Variants in XPO6 observed in about 807,000 individuals in gnomAD.
XPO6 encodes the protein exportin-6.
In XPO6, 3 loss-of-function variants were observed where a neutral mutation model predicts 130.0. The ratio of observed to expected loss-of-function variants is 0.02; its 90% confidence interval spans 0.01 to 0.06. The LOEUF is 0.06. XPO6 is among the 10% of genes least tolerant of loss of function. The pLI is 1.00. For synonymous variants in XPO6, 524 were observed against 548.9 expected (o/e 0.95, Z 0.63); for missense variants, 970 against 1,393.0 (o/e 0.70, Z 4.83).
chr16:28,181,395 T>TA (rs1479756004), intron 1 of XPO6, among the ~76,000 whole-genome samples: 1 of 152,208 alleles, frequency 6.6e-6, no homozygotes, highest in East Asian at 1.9e-4. Flanking sequence ...GAACTCCTCA[T>TA]AGACTATTCA....
chr16:28,137,006 C>T (rs1675014966), intron 9 of XPO6, among the ~76,000 whole-genome samples: 1 of 152,276 alleles, frequency 6.6e-6, no homozygotes, highest in African/African-American at 2.4e-5. Flanking sequence ...GACAAAAGGA[C>T]TGCATCCTTC....
At chr16:28,166,740 C>T (rs1411921373) in intron 5 of XPO6, 155 bp from the exon 6 acceptor site, 6 of 985,442 alleles carry the variant, frequency 6.1e-6, no homozygotes, top group East Asian at 1.1e-4. Flanking sequence ...CTGTGCCTCT[C>T]GACTTCACAG....
chr16:28,204,088 C>T (rs72791825), intron 1 of XPO6, among the ~76,000 whole-genome samples: 79 of 152,210 alleles, frequency 5.2e-4, no homozygotes, highest in Non-Finnish European at 9.4e-4. Context: ...TCCCTTTGAA[C>T]ACCCAAGACC....
intron 1 of XPO6, among the ~76,000 whole-genome samples, chr16:28,209,376 A>G (rs889154896): frequency 1.3e-5 from 2 of 152,326 alleles, no homozygotes; most frequent in Admixed American, 6.5e-5. Flanking sequence ...GCGATGGCTC[A>G]TGCATGTAAT....
At chr16:28,133,259 C>A (rs1345218804) in intron 11 of XPO6, among the ~76,000 whole-genome samples, 1 of 152,126 alleles carries the variant, frequency 6.6e-6, no homozygotes, top group Non-Finnish European at 1.5e-5. Context: ...ATTGCTTGAA[C>A]CCAGTAGGTG....
chr16:28,136,002 T>C (rs1417666481), intron 9 of XPO6, among the ~76,000 whole-genome samples: 1 of 152,232 alleles, frequency 6.6e-6, no homozygotes, highest in Admixed American at 6.5e-5. Flanking sequence ...CTGGGGATGA[T>C]AGGCACTGCA....
intron 8 of XPO6, among the ~76,000 whole-genome samples, chr16:28,151,723 A>G (rs1305230749): frequency 6.6e-6 from 1 of 152,176 alleles, no homozygotes; most frequent in South Asian, 2.1e-4. Flanking sequence ...TACTTCAATA[A>G]AAAGCTTATT....
intron 7 of XPO6, chr16:28,153,125 T>A (rs2043122911): frequency 9.7e-7 from 1 of 1,028,190 alleles, no homozygotes; most frequent in African/African-American, 1.7e-5. Flanking sequence ...GTCATTTCAA[T>A]CTGGCAAGTC....
chr16:28,151,178 T>TGAAAAA lies in XPO6; in HGVS notation c.1224+1480_1224+1481insTTTTTC, dbSNP rs1567624072. 3.1e-3 allele frequency among the ~76,000 whole-genome samples: 8 copies of TGAAAAA among 2,604 alleles called. No individual in the cohort carries two copies. The East Asian group carries it at 0.15, about 48-fold the overall frequency. 1.7% of individuals were successfully genotyped at this position (2,604 alleles called of 152,430 possible). On this transcript the variant is annotated intron_variant, in intron 8 of 23. Coordinates refer to ENST00000304658, the MANE Select transcript of XPO6 (RefSeq NM_015171.4). Reference sequence around the variant, plus strand: ...ACACATTAAGCTACAACACTAGTGGTTAAAAAAAAAAAAAAAAAAAGGCTA... The same window carrying TGAAAAA: ...ACACATTAAGCTACAACACTAGTGGTGAAAAATAAAAAAAAAAAAAAAAAAAGGCTA...
chr16:28,133,945 G>A lies in XPO6; in HGVS notation c.1444-12C>T, dbSNP rs770246082. Reference sequence around the variant, plus strand: ...CACTCCGTCTGCTGCTGTAGGGGAAGCACAGGAGAATCAGCTCTCCCAGAA... The same window carrying A: ...CACTCCGTCTGCTGCTGTAGGGGAAACACAGGAGAATCAGCTCTCCCAGAA... On this transcript the variant is annotated splice_polypyrimidine_tract_variant and intron_variant, in intron 10 of 23. Coordinates refer to ENST00000304658, the MANE Select transcript of XPO6 (RefSeq NM_015171.4). 1.2e-6 allele frequency: 2 copies of A among 1,613,638 alleles called. No individual in the cohort carries two copies. Among genetic ancestry groups the A allele is most frequent in the South Asian group, 1.1e-5 (1 of 91,026 alleles).
chr16:28,161,721 C>G (rs2043281748), intron 6 of XPO6, among the ~76,000 whole-genome samples: 4 of 152,112 alleles, frequency 2.6e-5, no homozygotes, highest in Admixed American at 2.6e-4. Context: ...GGCATTATTA[C>G]CCATATTTAC....
Position 28,111,932 on chromosome 16 carries a change from C to T in XPO6, c.2226G>A (p.Gln742=). The change falls in exon 17 of 24, where the codon CAG becomes CAA. Residue 742 remains glutamine, a synonymous_variant. Coordinates refer to ENST00000304658, the MANE Select transcript of XPO6 (RefSeq NM_015171.4). The stretch of plus-strand genomic sequence containing the variant: ...GGTTGATGGAGCGCACGGGCCACTG[C>T]TGCTCATTCTCTGGAAGGTTTGGCC... The part of the protein sequence containing the change: ...LPWPNLPENE[Q]QWPVRSINHA... The T allele has an allele frequency of 6.2e-7, 1 of 1,614,150 alleles. No individual in the cohort carries two copies. Among genetic ancestry groups the T allele is most frequent in the African/African-American group, 1.3e-5 (1 of 75,046 alleles).
intron 1 of XPO6, among the ~76,000 whole-genome samples, chr16:28,182,549 T>C (rs2141874499): frequency 6.6e-6 from 1 of 152,318 alleles, no homozygotes; most frequent in East Asian, 1.9e-4. Flanking sequence ...GAGACTTTCT[T>C]CCCTGAACTT....
chr16:28,143,587 T>C (rs2042932928), intron 9 of XPO6, among the ~76,000 whole-genome samples: 1 of 152,224 alleles, frequency 6.6e-6, no homozygotes, highest in East Asian at 1.9e-4. Flanking sequence ...ACTAATAATC[T>C]GCTAGTATAT....
rs1378599332 is a variant in XPO6, at chr16:28,098,288, A to C, written c.*250T>G. ...CCCGCGGGATTTCCTGGTGCCTCCT[A>C]GTACCTGGCCACACACCCCTCCGCC... On this transcript the variant is annotated 3_prime_UTR_variant, in exon 24 of 24. Coordinates refer to ENST00000304658, the MANE Select transcript of XPO6 (RefSeq NM_015171.4). The C allele has an allele frequency of 2.1e-5, 9 of 424,232 alleles. No individual in the cohort carries two copies. Among genetic ancestry groups the C allele is most frequent in the Non-Finnish European group, 3.4e-5 (8 of 233,904 alleles). 26.3% of individuals were successfully genotyped at this position (424,232 alleles called of 1,614,324 possible).
At chr16:28,117,091 A>G (rs533139103) in intron 15 of XPO6, 3 of 502,736 alleles carry the variant, frequency 6.0e-6, no homozygotes, top group Non-Finnish European at 1.0e-5. Context: ...ACTTTTTCAC[A>G]GTGAGCATGT....
intron 9 of XPO6, among the ~76,000 whole-genome samples, chr16:28,144,553 G>C (rs577870741): frequency 8.5e-5 from 13 of 152,112 alleles, no homozygotes; most frequent in Non-Finnish European, 1.8e-4. Flanking sequence ...TGAGACTACA[G>C]GTACATACTA....
intron 9 of XPO6, among the ~76,000 whole-genome samples, chr16:28,135,745 C>T (rs781588753): frequency 1.9e-4 from 29 of 152,110 alleles, no homozygotes; most frequent in Non-Finnish European, 1.0e-4. Context: ...GTCATTGGGT[C>T]GTGGCTTTAA....
chr16:28,210,509 C>G (rs2044110340), intron 1 of XPO6, among the ~76,000 whole-genome samples: 2 of 152,274 alleles, frequency 1.3e-5, no homozygotes, highest in South Asian at 4.1e-4. Context: ...GCTGTGTATA[C>G]CGCAATAGAC....
Sources: allele counts gnomAD v4.1 joint callset (sites outside exome capture counted in the v4.1 genomes callset), GRCh38; gene constraint gnomAD v4.1.1; transcripts MANE v1.5; gene names NCBI Gene and HGNC (gene_info 2026-07-23, HGNC 2026-07-21).